IL1RAPL2: variants seen among roughly 807,000 people sequenced by gnomAD.
The protein encoded by IL1RAPL2 is X-linked interleukin-1 receptor accessory protein-like 2.
A neutral mutation model predicts 44.1 loss-of-function variants in IL1RAPL2; 3 were observed. That is an observed-to-expected ratio of 0.07 (90% CI 0.03 to 0.18). The LOEUF (loss-of-function observed/expected upper bound fraction) is 0.18. Among genes scored for constraint, IL1RAPL2 ranks in the 10% least tolerant of loss-of-function variants. The pLI is 1.00. For missense variants in IL1RAPL2, 391 were observed against 496.4 expected, an observed-to-expected ratio of 0.79 and a Z score of 2.02; for synonymous variants, 181 against 178.8, an observed-to-expected ratio of 1.01 and a Z score of -0.10.
rs534258882 is a variant in IL1RAPL2, at chrX:104,731,453, A to T, written c.82+72458A>T. ...GTCTCACTCCTGTCATGCAGGCTGG[A>T]ATGCAGTGGCGCAGTCTCTACTCAC... On this transcript the variant is annotated intron_variant, in intron 2 of 10. Transcript: ENST00000372582. 7.2e-5 allele frequency among the ~76,000 whole-genome samples: 8 copies of T among 111,464 alleles called. No homozygotes were observed. The South Asian group carries it at 3.1e-3, about 43-fold the overall frequency.
At chrX:104,771,123 GT>G (rs1932635427) in intron 2 of IL1RAPL2, among the ~76,000 whole-genome samples, 1 of 112,137 alleles carries the variant, frequency 8.9e-6, no homozygotes, top group South Asian at 3.7e-4. Context: ...CTGTCTTTAG[GT>G]TTTTTCATAT....
chrX:105,260,017 G>A lies in IL1RAPL2; in HGVS notation c.544-7371G>A, dbSNP rs189670816. Among the ~76,000 whole-genome samples the A allele has an allele frequency of 5.2e-4, 59 of 112,415 alleles. 3 individuals are homozygous for A. In the East Asian group the frequency reaches 6.8e-3, roughly 13 times the overall value. The stretch of plus-strand genomic sequence containing the variant: ...AAGATGGCAGCCTGCCTCTCCCTCC[G>A]GGAGCTTCATCCCCGGGAGATATGG... On this transcript the variant is annotated intron_variant, in intron 4 of 10. Transcript: ENST00000372582.
At chrX:104,703,501 T>C (rs948169820) in intron 2 of IL1RAPL2, among the ~76,000 whole-genome samples, 1 of 112,107 alleles carries the variant, frequency 8.9e-6, no homozygotes, top group Non-Finnish European at 1.9e-5. Flanking sequence ...CATCAGACTG[T>C]CAGCTAAGGA....
At chrX:104,692,383 G>A (rs1382251794) in intron 2 of IL1RAPL2, among the ~76,000 whole-genome samples, 3 of 109,472 alleles carry the variant, frequency 2.7e-5, no homozygotes, top group African/African-American at 1.0e-4. Context: ...AAAGTTTTAG[G>A]GTACATGTGC....
intron 2 of IL1RAPL2, among the ~76,000 whole-genome samples, chrX:104,751,584 C>T (rs1003787606): frequency 3.6e-5 from 4 of 110,852 alleles, no homozygotes; most frequent in East Asian, 5.7e-4. Flanking sequence ...CTCCAGGCAG[C>T]GAAATCAAAA....
chrX:105,227,697 C>T (rs1556191173), intron 3 of IL1RAPL2, among the ~76,000 whole-genome samples: 1 of 111,861 alleles, frequency 8.9e-6, no homozygotes, highest in Admixed American at 9.5e-5. Context: ...GGGCTTTGGC[C>T]ATCTTGGTCT....
At chrX:105,632,027 ACT>A (rs1229466498) in intron 6 of IL1RAPL2, among the ~76,000 whole-genome samples, 1 of 103,578 alleles carries the variant, frequency 9.7e-6, no homozygotes, top group African/African-American at 3.5e-5. Context: ...GTCTTCCCTT[ACT>A]CTCCCCAGTC....
chrX:104,942,058 T>C (rs993385803), intron 2 of IL1RAPL2, among the ~76,000 whole-genome samples: 7 of 111,901 alleles, frequency 6.3e-5, no homozygotes, highest in Non-Finnish European at 1.3e-4. Context: ...CATTGGTCTG[T>C]ATCTTTGTTT....
intron 2 of IL1RAPL2, among the ~76,000 whole-genome samples, chrX:104,737,195 G>GA (rs920981411): frequency 1.4e-4 from 15 of 110,563 alleles, no homozygotes; most frequent in East Asian, 5.7e-4. Context: ...GGAACCACAG[G>GA]AAAAAAAAAT....
intron 2 of IL1RAPL2, among the ~76,000 whole-genome samples, chrX:105,154,432 T>G (rs2033252862): frequency 9.0e-6 from 1 of 111,628 alleles, no homozygotes; most frequent in African/African-American, 3.3e-5. Context: ...TGTTGGTTGA[T>G]CCTCTTGTGC....
chrX:105,634,482 G>T (rs1439718310), intron 6 of IL1RAPL2, among the ~76,000 whole-genome samples: 1 of 111,195 alleles, frequency 9.0e-6, no homozygotes, highest in Non-Finnish European at 1.9e-5. Context: ...AAAAAACAAA[G>T]AAAAATGCCA....
At chrX:104,753,537 G>A (rs1373344897) in intron 2 of IL1RAPL2, among the ~76,000 whole-genome samples, 2 of 111,424 alleles carry the variant, frequency 1.8e-5, no homozygotes, top group African/African-American at 6.5e-5. Context: ...AATAACTTAT[G>A]TACTAAAAAT....
chrX:104,859,005 A>G (rs766328650), intron 2 of IL1RAPL2, among the ~76,000 whole-genome samples: 3 of 112,088 alleles, frequency 2.7e-5, no homozygotes, highest in Non-Finnish European at 5.6e-5. Flanking sequence ...CTAAATTTAT[A>G]CAGATAATGG....
At chrX:104,947,171 G>T (rs1367341927) in intron 2 of IL1RAPL2, among the ~76,000 whole-genome samples, 1 of 112,236 alleles carries the variant, frequency 8.9e-6, no homozygotes, top group Non-Finnish European at 1.9e-5. Context: ...GGCCAGTGAT[G>T]ATGAGCATGT....
chrX:105,725,670 C>T (rs1372588078), intron 7 of IL1RAPL2, among the ~76,000 whole-genome samples: 4 of 111,775 alleles, frequency 3.6e-5, no homozygotes, highest in Non-Finnish European at 7.5e-5. Flanking sequence ...AATAATTGGA[C>T]TCCCAGGCAG....
chrX:105,297,714 A>C (rs1201490720), intron 5 of IL1RAPL2, among the ~76,000 whole-genome samples: 1 of 111,354 alleles, frequency 9.0e-6, no homozygotes, highest in African/African-American at 3.3e-5. Flanking sequence ...TTATAATTCC[A>C]GATGAGATTT....
At chrX:104,877,046 A>G (rs1317336747) in intron 2 of IL1RAPL2, among the ~76,000 whole-genome samples, 1 of 110,589 alleles carries the variant, frequency 9.0e-6, no homozygotes, top group Non-Finnish European at 1.9e-5. Context: ...ATGTCCCTAC[A>G]AAGGACATGA....
At chrX:104,694,554 A>G (rs772049026) in intron 2 of IL1RAPL2, among the ~76,000 whole-genome samples, 28 of 111,988 alleles carry the variant, frequency 2.5e-4, no homozygotes, top group Middle Eastern at 4.6e-3. Context: ...TGAGAGGGGT[A>G]ATTAATGCAG....
intron 2 of IL1RAPL2, among the ~76,000 whole-genome samples, chrX:104,711,106 G>C (rs1931448574): frequency 9.0e-6 from 1 of 111,258 alleles, no homozygotes; most frequent in Admixed American, 9.6e-5. Context: ...GGTCTGTTTA[G>C]ATACACAAAT....
Sources: gnomAD v4.1 joint callset for allele counts (sites outside exome capture counted in the v4.1 genomes callset) on GRCh38, gnomAD v4.1.1 for gene constraint, MANE v1.5 for transcripts, NCBI Gene and HGNC (gene_info 2026-07-23, HGNC 2026-07-21) for gene names.